The following PARD3 variants were observed in gnomAD, a reference collection of about 807,000 sequenced individuals.
PARD3 encodes the protein par-3 family cell polarity regulator, also known as partitioning defective 3 homolog.
A neutral mutation model predicts 155.4 loss-of-function variants in PARD3; 75 were observed. That is an observed-to-expected ratio of 0.48 (90% CI 0.40 to 0.58). PARD3 has a LOEUF of 0.58. PARD3 is among the 20% of genes least tolerant of loss of function. PARD3 has a pLI of 0.00. For synonymous variants in PARD3, 576 were observed against 610.5 expected, an observed-to-expected ratio of 0.94 and a Z score of 0.83; for missense variants, 1,642 against 1,721.7, an observed-to-expected ratio of 0.95 and a Z score of 0.82.
chr10:34,142,638 CGAAGGAAG>C (rs148760321), intron 22 of PARD3, among the ~76,000 whole-genome samples: 2 of 146,710 alleles, frequency 1.4e-5, no homozygotes, highest in South Asian at 2.1e-4. Flanking sequence ...GAAGAAAGGA[CGAAGGAAG>C]GAAGGAAGGA....
intron 22 of PARD3, among the ~76,000 whole-genome samples, chr10:34,204,118 A>C (rs1222893737): frequency 6.6e-6 from 1 of 152,198 alleles, no homozygotes; most frequent in African/African-American, 2.4e-5. Flanking sequence ...AGGTAAGTAC[A>C]TCAACATTTA....
At chr10:34,241,274 G>C (rs1430966339) in intron 22 of PARD3, among the ~76,000 whole-genome samples, 3 of 152,140 alleles carry the variant, frequency 2.0e-5, no homozygotes, top group African/African-American at 7.2e-5. Flanking sequence ...TCCAGAGCAG[G>C]ACACCCAGCA....
At chr10:34,573,899 G>C (rs1213613445) in intron 2 of PARD3, among the ~76,000 whole-genome samples, 2 of 152,114 alleles carry the variant, frequency 1.3e-5, no homozygotes, top group Non-Finnish European at 1.5e-5. Context: ...GCCACCCAGT[G>C]GGAGGTGTTT....
intron 22 of PARD3, among the ~76,000 whole-genome samples, chr10:34,233,537 T>G (rs1588877622): frequency 6.6e-6 from 1 of 152,090 alleles, no homozygotes; most frequent in Admixed American, 6.5e-5. Flanking sequence ...ATCTAACCAT[T>G]TGCTTGACAT....
intron 21 of PARD3, among the ~76,000 whole-genome samples, chr10:34,272,910 C>T (rs1410979392): frequency 1.3e-5 from 2 of 152,096 alleles, no homozygotes; most frequent in Non-Finnish European, 2.9e-5. Context: ...GCAAATAAGA[C>T]CATGATGAGC....
At chr10:34,567,809 G>A (rs1428377122) in intron 2 of PARD3, among the ~76,000 whole-genome samples, 3 of 152,176 alleles carry the variant, frequency 2.0e-5, no homozygotes, top group African/African-American at 7.2e-5. Flanking sequence ...AAGAAGCTTT[G>A]CACAATAGAT....
At chr10:34,282,657 TG>T (rs1164123721) in intron 21 of PARD3, among the ~76,000 whole-genome samples, 2 of 152,168 alleles carry the variant, frequency 1.3e-5, no homozygotes, top group African/African-American at 4.8e-5. Context: ...GGAGGTATAA[TG>T]TTTCTGTCGC....
At chr10:34,687,981 A>G (rs1337049705) in intron 2 of PARD3, among the ~76,000 whole-genome samples, 1 of 147,172 alleles carries the variant, frequency 6.8e-6, no homozygotes, top group Non-Finnish European at 1.5e-5. Context: ...TCAGCCTTTG[A>G]GTAGCTCAGA....
chr10:34,320,880 G>T (rs1044255223), intron 19 of PARD3, among the ~76,000 whole-genome samples: 2 of 152,084 alleles, frequency 1.3e-5, no homozygotes, highest in African/African-American at 4.8e-5. Context: ...TCTTCTGGGG[G>T]TGTACTGATT....
intron 22 of PARD3, among the ~76,000 whole-genome samples, chr10:34,155,798 G>A (rs553356043): frequency 6.6e-6 from 1 of 152,060 alleles, no homozygotes; most frequent in Non-Finnish European, 1.5e-5. Flanking sequence ...ACTGACCATG[G>A]GGGGTCATGC....
In PARD3 at chr10:34,388,662, G is replaced by A. The variant is rs575087832; in HGVS notation, c.891-4408C>T. 9.2e-5 allele frequency among the ~76,000 whole-genome samples: 14 copies of A among 152,324 alleles called. No homozygotes were observed. In the East Asian group the frequency reaches 2.3e-3, roughly 25 times the overall value. ...ATTAGAGAAAGTAATCAAAGCAAAT[G>A]AAGTTCTAAACATTTTGGCACGTCA... On this transcript the variant is annotated intron_variant, in intron 7 of 24. Transcript: ENST00000374788.
intron 22 of PARD3, among the ~76,000 whole-genome samples, chr10:34,160,715 G>A (rs1055082169): frequency 3.9e-5 from 6 of 152,126 alleles, no homozygotes; most frequent in African/African-American, 1.4e-4. Flanking sequence ...GAGAACAATG[G>A]TGCACATCCC....
At chr10:34,681,730 T>TATATATATATATATATA (rs2093826746) in intron 2 of PARD3, among the ~76,000 whole-genome samples, 2 of 29,984 alleles carry the variant, frequency 6.7e-5, no homozygotes, top group African/African-American at 2.1e-4. Context: ...CGTATGTATT[T>TATATATATATATATATA]TATATATATA....
At chr10:34,118,999 G>C (rs574732945) in intron 24 of PARD3, among the ~76,000 whole-genome samples, 14 of 152,272 alleles carry the variant, frequency 9.2e-5, no homozygotes, top group African/African-American at 3.4e-4. Flanking sequence ...ACCCTTGCAG[G>C]CCTTTGTCGG....
chr10:34,260,920 G>A (rs1954923717), intron 22 of PARD3, among the ~76,000 whole-genome samples: 1 of 152,114 alleles, frequency 6.6e-6, no homozygotes, highest in African/African-American at 2.4e-5. Flanking sequence ...ACCGGATTCT[G>A]ATTTTAACGG....
intron 1 of PARD3, among the ~76,000 whole-genome samples, chr10:34,719,306 A>C (rs1406013222): frequency 6.6e-6 from 1 of 152,238 alleles, no homozygotes; most frequent in African/African-American, 2.4e-5. Flanking sequence ...TGAGGTTTCA[A>C]GGGAAAAAAA....
chr10:34,398,921 T>G (rs1192886076), intron 7 of PARD3, among the ~76,000 whole-genome samples: 2 of 152,132 alleles, frequency 1.3e-5, no homozygotes, highest in East Asian at 1.9e-4. Context: ...AAACACAAAT[T>G]TAAAGCTTAA....
intron 3 of PARD3, among the ~76,000 whole-genome samples, chr10:34,493,133 T>G (rs921009139): frequency 6.6e-6 from 1 of 152,188 alleles, no homozygotes; most frequent in African/African-American, 2.4e-5. Context: ...TGGTGTTGAG[T>G]ATCTGGCTGC....
intron 3 of PARD3, among the ~76,000 whole-genome samples, chr10:34,480,674 T>C (rs893729332): frequency 5.3e-5 from 8 of 152,304 alleles, no homozygotes; most frequent in Admixed American, 2.6e-4. Context: ...TTGGCTAAGA[T>C]ATATCAGTCA....
Sources: allele counts gnomAD v4.1 joint callset (sites outside exome capture counted in the v4.1 genomes callset), GRCh38; gene constraint gnomAD v4.1.1; transcripts MANE v1.5; gene names NCBI Gene and HGNC (gene_info 2026-07-23, HGNC 2026-07-21).